Variants in ANKS1B observed in about 807,000 individuals in gnomAD.
ANKS1B encodes the protein ankyrin repeat and sterile alpha motif domain containing 1B.
ANKS1B carries 36 observed loss-of-function variants against 148.3 expected under a neutral mutation model. The observed-to-expected ratio is 0.24, with a 90% CI of 0.19 to 0.32. The LOEUF (loss-of-function observed/expected upper bound fraction) is 0.32, where lower values mean the gene tolerates loss of function less well. Among genes scored for constraint, ANKS1B ranks in the 10% least tolerant of loss-of-function variants. ANKS1B has a pLI of 1.00. For synonymous variants in ANKS1B, 542 were observed against 560.8 expected (o/e 0.97, Z 0.47); for missense variants, 1,157 against 1,542.6 (o/e 0.75, Z 4.19).
At chr12:99,957,048 G>A (rs1438525220) in intron 1 of ANKS1B, among the ~76,000 whole-genome samples, 2 of 152,180 alleles carry the variant, frequency 1.3e-5, no homozygotes, top group African/African-American at 2.4e-5. Context: ...TACTGTCTAC[G>A]TGATGTTCAA....
intron 12 of ANKS1B, among the ~76,000 whole-genome samples, chr12:99,339,852 A>G (rs376570170): frequency 5.9e-5 from 9 of 152,288 alleles, no homozygotes; most frequent in African/African-American, 1.9e-4. Flanking sequence ...TCTACCAAAC[A>G]GAAACTGAGA....
chr12:99,047,484 A>G (rs568119556), intron 17 of ANKS1B, among the ~76,000 whole-genome samples: 2 of 152,336 alleles, frequency 1.3e-5, no homozygotes, highest in South Asian at 4.1e-4. Context: ...AAGAAGCTCA[A>G]AAAACTTCGC....
intron 8 of ANKS1B, among the ~76,000 whole-genome samples, chr12:99,742,531 A>T (rs1198361406): frequency 6.6e-6 from 1 of 152,156 alleles, no homozygotes; most frequent in Non-Finnish European, 1.5e-5. Flanking sequence ...TGAAATATAC[A>T]TTAAAATGCA....
chr12:99,764,553 G>T (rs1390684661), intron 8 of ANKS1B, among the ~76,000 whole-genome samples: 1 of 152,104 alleles, frequency 6.6e-6, no homozygotes, highest in African/African-American at 2.4e-5. Context: ...CTCCTGAGTA[G>T]CTGGGATGAC....
chr12:99,621,336 CA>C (rs2098046230), intron 9 of ANKS1B, among the ~76,000 whole-genome samples: 3 of 151,570 alleles, frequency 2.0e-5, no homozygotes, highest in Admixed American at 6.6e-5. Context: ...AGCAAGCACA[CA>C]ATAGAAACTA....
chr12:99,610,629 T>C (rs1393837153), intron 9 of ANKS1B, among the ~76,000 whole-genome samples: 1 of 152,040 alleles, frequency 6.6e-6, no homozygotes, highest in Non-Finnish European at 1.5e-5. Flanking sequence ...AGAAAGATCT[T>C]GCATCTGAGT....
intron 12 of ANKS1B, among the ~76,000 whole-genome samples, chr12:99,327,103 A>G (rs1362942026): frequency 7.8e-6 from 1 of 128,470 alleles, no homozygotes; most frequent in Non-Finnish European, 1.6e-5. Flanking sequence ...ATATATCAAT[A>G]TATATTAATA....
At chr12:99,798,436 A>AC (rs2066521456) in intron 4 of ANKS1B, among the ~76,000 whole-genome samples, 1 of 121,016 alleles carries the variant, frequency 8.3e-6, no homozygotes, top group Non-Finnish European at 1.9e-5. Flanking sequence ...AAAAAAAAAA[A>AC]AAAAAAACAA....
At chr12:99,578,630 T>A (rs1001575568) in intron 9 of ANKS1B, among the ~76,000 whole-genome samples, 21 of 152,088 alleles carry the variant, frequency 1.4e-4, no homozygotes, top group African/African-American at 4.6e-4. Flanking sequence ...TGCCTAGGAA[T>A]ACAGGTAACC....
At chr12:99,380,306 C>T (rs1003360426) in intron 12 of ANKS1B, among the ~76,000 whole-genome samples, 2 of 152,204 alleles carry the variant, frequency 1.3e-5, no homozygotes, top group Non-Finnish European at 2.9e-5. Flanking sequence ...ATAGAAATTA[C>T]AAACGGTGCT....
chr12:98,979,562 C>A (rs1015059097), intron 17 of ANKS1B, among the ~76,000 whole-genome samples: 2 of 152,170 alleles, frequency 1.3e-5, no homozygotes, highest in Non-Finnish European at 2.9e-5. Context: ...TGAGCCACTG[C>A]GCCCAGCTAT....
At position 98,745,610 on chromosome 12, in the gene ANKS1B, G is replaced by A. The variant is rs894505739; in HGVS notation, c.*129C>T. 1.4e-6 allele frequency: 2 copies of A among 1,432,146 alleles called. No homozygotes were observed. Among genetic ancestry groups the A allele is most frequent in the Non-Finnish European group, 1.8e-6 (2 of 1,089,990 alleles). The allele number at this position is 1,432,146 out of a possible 1,614,324, so 88.7% of individuals were successfully genotyped here. The stretch of plus-strand genomic sequence containing the variant: ...CCCCAGGAATGGCCAGTGGCCTTTC[G>A]CCCGTAACAAGGCCGCACGCTCAGA... On this transcript the variant is annotated 3_prime_UTR_variant, in exon 27 of 27. Transcript: ENST00000683438.
At chr12:98,980,356 A>T (rs957893006) in intron 17 of ANKS1B, among the ~76,000 whole-genome samples, 1 of 152,024 alleles carries the variant, frequency 6.6e-6, no homozygotes, top group Non-Finnish European at 1.5e-5. Context: ...ACCCGCCACC[A>T]CGCCCAGCTA....
At chr12:98,990,373 C>G (rs1197896770) in intron 17 of ANKS1B, among the ~76,000 whole-genome samples, 1 of 151,230 alleles carries the variant, frequency 6.6e-6, no homozygotes, top group Non-Finnish European at 1.5e-5. Context: ...TTAACTTAGA[C>G]AAATTTACAC....
chr12:99,100,887 A>G (rs1168534702), intron 15 of ANKS1B, among the ~76,000 whole-genome samples: 1 of 152,220 alleles, frequency 6.6e-6, no homozygotes, highest in East Asian at 1.9e-4. Flanking sequence ...CAGAGAAAAG[A>G]TTCCTGAAGT....
At chr12:99,713,347 A>G (rs1017675448) in intron 8 of ANKS1B, among the ~76,000 whole-genome samples, 3 of 152,332 alleles carry the variant, frequency 2.0e-5, no homozygotes, top group African/African-American at 7.2e-5. Flanking sequence ...TTCTAACTTT[A>G]GCAGTTTTTG....
At chr12:99,242,828 C>G (rs1042698852) in intron 14 of ANKS1B, among the ~76,000 whole-genome samples, 2 of 152,178 alleles carry the variant, frequency 1.3e-5, no homozygotes, top group Non-Finnish European at 2.9e-5. Context: ...GCTGGGAAAA[C>G]TGGCTAGCCA....
chr12:99,019,383 A>T (rs1286540177), intron 17 of ANKS1B, among the ~76,000 whole-genome samples: 1 of 152,210 alleles, frequency 6.6e-6, no homozygotes, highest in Non-Finnish European at 1.5e-5. Flanking sequence ...TGAAAAGAGG[A>T]TACAGGGCAT....
chr12:99,160,503 TA>T (rs1296741172), intron 14 of ANKS1B, among the ~76,000 whole-genome samples: 39 of 45,318 alleles, frequency 8.6e-4, no homozygotes, highest in African/African-American at 5.2e-3. Flanking sequence ...CACACCAGGC[TA>T]TTTTTTTTTT....
Sources: gnomAD v4.1 joint callset for allele counts (sites outside exome capture counted in the v4.1 genomes callset) on GRCh38, gnomAD v4.1.1 for gene constraint, MANE v1.5 for transcripts, NCBI Gene and HGNC (gene_info 2026-07-23, HGNC 2026-07-21) for gene names.